Variants in CSMD2 observed in about 807,000 individuals in gnomAD.
CSMD2 encodes CUB and sushi domain-containing protein 2.
CSMD2 carries 130 observed loss-of-function variants against 398.5 expected under a neutral mutation model. The ratio of observed to expected loss-of-function variants is 0.33; its 90% CI spans 0.28 to 0.38. The LOEUF (loss-of-function observed/expected upper bound fraction) is 0.38. CSMD2 is among the 10% of genes least tolerant of loss of function. CSMD2 has a pLI of 1.00. For synonymous variants in CSMD2, 1,828 were observed against 1,908.5 expected (o/e 0.96, Z 1.10); for missense variants, 3,829 against 4,764.9 (o/e 0.80, Z 5.78).
intron 4 of CSMD2, among the ~76,000 whole-genome samples, chr1:33,931,404 G>A (rs1644308306): frequency 6.6e-6 from 1 of 151,900 alleles, no homozygotes; most frequent in Admixed American, 6.5e-5. Flanking sequence ...TAAAATCACT[G>A]ACATTATTGA....
At chr1:33,628,617 T>C (rs1642270712) in intron 32 of CSMD2, among the ~76,000 whole-genome samples, 1 of 145,162 alleles carries the variant, frequency 6.9e-6, no homozygotes, top group Admixed American at 7.2e-5. Flanking sequence ...TGCAGTGAGC[T>C]GAGATTGCAC....
chr1:34,025,179 AC>A (rs1649473790), intron 3 of CSMD2, among the ~76,000 whole-genome samples: 1 of 152,096 alleles, frequency 6.6e-6, no homozygotes, highest in Non-Finnish European at 1.5e-5. Context: ...GAGTCTGTCT[AC>A]CCTGTTGCAA....
intron 13 of CSMD2, among the ~76,000 whole-genome samples, chr1:33,749,191 C>G (rs1417947218): frequency 1.3e-5 from 2 of 151,314 alleles, no homozygotes; most frequent in South Asian, 2.1e-4. Flanking sequence ...TCCACCCCCC[C>G]AGGTTCACGC....
intron 28 of CSMD2, among the ~76,000 whole-genome samples, chr1:33,647,876 T>A (rs1643539447): frequency 6.6e-6 from 1 of 152,160 alleles, no homozygotes; most frequent in Admixed American, 6.5e-5. Context: ...CCACATCAGT[T>A]GGAGAGGAAA....
At chr1:34,136,753 T>C (rs1638792161) in intron 1 of CSMD2, among the ~76,000 whole-genome samples, 1 of 152,234 alleles carries the variant, frequency 6.6e-6, no homozygotes, top group Admixed American at 6.5e-5. Context: ...CCATCTATTA[T>C]TCAATCATCC....
chr1:34,008,525 C>T (rs1647134120), intron 3 of CSMD2, among the ~76,000 whole-genome samples: 1 of 152,098 alleles, frequency 6.6e-6, no homozygotes, highest in South Asian at 2.1e-4. Flanking sequence ...AGACTTGCGC[C>T]CATCTGAAGG....
intron 25 of CSMD2, among the ~76,000 whole-genome samples, chr1:33,672,873 A>C (rs1412733818): frequency 6.6e-6 from 1 of 152,224 alleles, no homozygotes; most frequent in African/African-American, 2.4e-5. Flanking sequence ...GACCTCCAGC[A>C]AACTCCAACA....
intron 9 of CSMD2, among the ~76,000 whole-genome samples, chr1:33,818,268 T>C (rs576106110): frequency 6.6e-6 from 1 of 152,332 alleles, no homozygotes; most frequent in African/African-American, 2.4e-5. Flanking sequence ...AGTGGTATGC[T>C]ATTCAATGAG....
At chr1:33,963,904 AT>A (rs144611826) in intron 3 of CSMD2, among the ~76,000 whole-genome samples, 1,793 of 152,340 alleles carry the variant, frequency 0.012, 31 homozygotes, top group African/African-American at 0.041. Flanking sequence ...ATATGTGTTA[AT>A]TTTCCTTGCA....
At chr1:33,959,002 C>G (rs1445702606) in intron 3 of CSMD2, among the ~76,000 whole-genome samples, 1 of 152,166 alleles carries the variant, frequency 6.6e-6, no homozygotes, top group Non-Finnish European at 1.5e-5. Context: ...ATCTCGACTC[C>G]CTGCTGACCT....
chr1:33,942,921 C>T (rs1644723532), intron 3 of CSMD2, among the ~76,000 whole-genome samples: 1 of 152,372 alleles, frequency 6.6e-6, no homozygotes, highest in East Asian at 1.9e-4. Flanking sequence ...TGAAGACCCT[C>T]ATGGTCTCTT....
At chr1:33,634,040 C>T (rs1642643526) in intron 31 of CSMD2, among the ~76,000 whole-genome samples, 1 of 152,148 alleles carries the variant, frequency 6.6e-6, no homozygotes, top group African/African-American at 2.4e-5. Flanking sequence ...AACTGCATGC[C>T]CACCTACCAA....
At chr1:33,989,484 A>C (rs1646477144) in intron 3 of CSMD2, among the ~76,000 whole-genome samples, 1 of 152,216 alleles carries the variant, frequency 6.6e-6, no homozygotes. Context: ...ATTTACCCAG[A>C]GGAAATGAAA....
intron 5 of CSMD2, among the ~76,000 whole-genome samples, chr1:33,886,161 G>T (rs77902126): frequency 0.013 from 1,971 of 152,254 alleles, 48 homozygotes; most frequent in East Asian, 0.07. Context: ...GAGGATACTG[G>T]ATGCTGAGCT....
At chr1:33,810,486 CACT>C (rs1325235919) in intron 10 of CSMD2, among the ~76,000 whole-genome samples, 2 of 152,090 alleles carry the variant, frequency 1.3e-5, no homozygotes, top group Admixed American at 1.3e-4. Flanking sequence ...GAACCTGCAT[CACT>C]AAGGTAACGA....
At chr1:34,108,955 C>A (rs773119808) in intron 1 of CSMD2, among the ~76,000 whole-genome samples, 2 of 152,132 alleles carry the variant, frequency 1.3e-5, no homozygotes, top group Non-Finnish European at 2.9e-5. Flanking sequence ...GGTGGTAAGA[C>A]TTGAAATCAG....
At chr1:33,915,309 A>T (rs929717372) in intron 5 of CSMD2, among the ~76,000 whole-genome samples, 1 of 152,232 alleles carries the variant, frequency 6.6e-6, no homozygotes, top group African/African-American at 2.4e-5. Flanking sequence ...GAATCCAGGG[A>T]TCCATAAAGG....
chr1:34,002,911 T>C (rs1158659861), intron 3 of CSMD2, among the ~76,000 whole-genome samples: 1 of 152,132 alleles, frequency 6.6e-6, no homozygotes, highest in East Asian at 1.9e-4. Context: ...GGCCCAAGTT[T>C]TGTAAAATGA....
rs1008159719 is a variant in CSMD2, at chr1:34,094,319, G to A, written c.188-5126C>T. ...CTGCAAAATCATGCCAAAATGTAACGACCATCGAGACTAGGAAGAAACTGC... is the reference window on the plus strand; with the variant it reads ...CTGCAAAATCATGCCAAAATGTAACAACCATCGAGACTAGGAAGAAACTGC... On this transcript the variant is annotated intron_variant, in intron 1 of 70. Transcript: ENST00000373381. Among the ~76,000 whole-genome samples, 5 of 151,728 alleles carry A rather than the reference G, an allele frequency of 3.3e-5. No individual in the cohort carries two copies. The East Asian group carries it at 7.7e-4, about 23-fold the overall frequency.
Sources: allele counts gnomAD v4.1 joint callset (sites outside exome capture counted in the v4.1 genomes callset), GRCh38; gene constraint gnomAD v4.1.1; transcripts MANE v1.5; gene names NCBI Gene and HGNC (gene_info 2026-07-23, HGNC 2026-07-21).